The following WWTR1 variants were observed in gnomAD, a reference collection of about 807,000 sequenced individuals.
WWTR1 encodes the protein WW domain containing transcription regulator 1, also known as WW domain-containing transcription regulator protein 1.
WWTR1 carries 13 observed loss-of-function variants against 40.1 expected under a neutral mutation model. The observed-to-expected ratio is 0.32, with a 90% CI of 0.21 to 0.52. WWTR1 has a LOEUF of 0.52. WWTR1 is among the 20% of genes least tolerant of loss of function. WWTR1 has a pLI of 0.97. For missense variants in WWTR1, 436 were observed against 523.1 expected, an observed-to-expected ratio of 0.83 and a Z score of 1.63; for synonymous variants, 230 against 210.1, an observed-to-expected ratio of 1.09 and a Z score of -0.82.
intron 1 of WWTR1, among the ~76,000 whole-genome samples, chr3:149,675,932 C>G (rs1311913409): frequency 6.6e-6 from 1 of 152,056 alleles, no homozygotes; most frequent in Non-Finnish European, 1.5e-5. Context: ...GTCTCGATCT[C>G]CTGACCTCGT....
chr3:149,573,378 A>G (rs1737735555), intron 2 of WWTR1, among the ~76,000 whole-genome samples: 1 of 152,186 alleles, frequency 6.6e-6, no homozygotes, highest in East Asian at 1.9e-4. Flanking sequence ...AAGGGGAGCC[A>G]TGCTCACCTT....
chr3:149,658,171 CCTCGG>C (rs1192528992), upstream of WWTR1: 3 of 154,010 alleles, frequency 1.9e-5, no homozygotes, highest in Non-Finnish European at 4.3e-5. Flanking sequence ...CCTCCTCCCA[CCTCGG>C]CTCCAGAAAA....
chr3:149,655,262 T>A (rs1465689786), intron 2 of WWTR1, among the ~76,000 whole-genome samples: 2 of 151,460 alleles, frequency 1.3e-5, no homozygotes, highest in African/African-American at 4.9e-5. Context: ...CTGGCCAACA[T>A]GGTGAAACCT....
Position 149,668,613 on chromosome 3 carries a change from A to AAAAAAAAAAAAAAC in WWTR1, c.-4+1174_-4+1175insGTTTTTTTTTTTTT, listed in dbSNP as rs548038608. Among the ~76,000 whole-genome samples the AAAAAAAAAAAAAAC allele has an allele frequency of 4.5e-4, 67 of 147,590 alleles. No individual in the cohort carries two copies. The East Asian group carries it at 5.8e-3, about 13-fold the overall frequency. ...ACAGAGCAAGATTGTGTCTCAAAAA[A>AAAAAAAAAAAAAAC]AACAACAAAAAACTGAGTCTTCATT... On this transcript the variant is annotated intron_variant, in intron 2 of 7. Coordinates refer to the WWTR1 transcript ENST00000465804.
intron 3 of WWTR1, among the ~76,000 whole-genome samples, chr3:149,555,933 G>C (rs762478858): frequency 4.6e-5 from 7 of 152,216 alleles, no homozygotes; most frequent in Non-Finnish European, 1.0e-4. Flanking sequence ...AGTTAAGAAA[G>C]GCCTCTGTGA....
intron 2 of WWTR1, among the ~76,000 whole-genome samples, chr3:149,599,424 G>C (rs1485778038): frequency 6.6e-6 from 1 of 152,238 alleles, no homozygotes; most frequent in African/African-American, 2.4e-5. Flanking sequence ...AAATGGCTGG[G>C]AAATATGGTC....
rs1218770368 is a variant in WWTR1 at position 149,566,827 on chromosome 3, AC to A, written c.568+6036del. Among the ~76,000 whole-genome samples, 4 of 149,830 alleles carry A rather than the reference AC, an allele frequency of 2.7e-5. No individual in the cohort carries two copies. The East Asian group carries it at 5.8e-4, about 22-fold the overall frequency. On this transcript the variant is annotated intron_variant, in intron 3 of 6. Transcript: ENST00000360632. ...GCCCTGAAAAGAAAAAAAAAAAAAA[AC>A]ACACATGTGTTTATAATTTGAAGTA...
At chr3:149,713,833 C>T (rs927392244) in intron 5 of WWTR1, among the ~76,000 whole-genome samples, 16 of 152,226 alleles carry the variant, frequency 1.1e-4, no homozygotes. Flanking sequence ...GCACGCATCC[C>T]TGAGGCAGCG....
chr3:149,566,564 A>G (rs186906465), intron 3 of WWTR1, among the ~76,000 whole-genome samples: 97 of 150,428 alleles, frequency 6.4e-4, no homozygotes, highest in Non-Finnish European at 1.1e-3. Context: ...TTTGATTAAG[A>G]AAAAAACTAA....
intron 3 of WWTR1, among the ~76,000 whole-genome samples, chr3:149,557,412 C>T (rs1002124247): frequency 6.6e-6 from 1 of 152,124 alleles, no homozygotes; most frequent in Non-Finnish European, 1.5e-5. Context: ...TCCCCTAGAT[C>T]ACAGAGTCTA....
intron 3 of WWTR1, among the ~76,000 whole-genome samples, chr3:149,565,678 G>A (rs1737285485): frequency 1.3e-5 from 2 of 151,826 alleles, no homozygotes; most frequent in Admixed American, 6.6e-5. Flanking sequence ...TTGGGAGGCT[G>A]AGGTGGGCGG....
At chr3:149,666,919 T>G (rs1713846578) in intron 2 of WWTR1, among the ~76,000 whole-genome samples, 2 of 152,206 alleles carry the variant, frequency 1.3e-5, no homozygotes, top group Admixed American at 6.5e-5. Context: ...AAAGGCATTT[T>G]TCCTCCACTG....
intron 2 of WWTR1, among the ~76,000 whole-genome samples, chr3:149,629,931 C>T (rs189000126): frequency 8.9e-4 from 135 of 152,244 alleles, no homozygotes; most frequent in African/African-American, 3.0e-3. Context: ...ACTGCAACCT[C>T]GACTTCCATG....
At chr3:149,544,470 G>T (rs1736278477) in intron 3 of WWTR1, among the ~76,000 whole-genome samples, 1 of 152,202 alleles carries the variant, frequency 6.6e-6, no homozygotes, top group Admixed American at 6.5e-5. Context: ...TGGAAGAGAG[G>T]TGTGAAGAAA....
chr3:149,666,137 T>A (rs1713807004), intron 2 of WWTR1, among the ~76,000 whole-genome samples: 1 of 152,226 alleles, frequency 6.6e-6, no homozygotes, highest in South Asian at 2.1e-4. Flanking sequence ...TTACACTAGC[T>A]GTTCAAGCCA....
rs986628220 is a variant in WWTR1, at chr3:149,519,307, T to A, written c.*1498A>T. On this transcript the variant is annotated 3_prime_UTR_variant, in exon 7 of 7. Transcript: ENST00000360632. ...CCAACTGTAGCAAACAGGATTAGGA[T>A]AATATACTTAGGAATCAATTTTACT... The A allele has an allele frequency of 2.0e-5, 3 of 152,200 alleles. No individual in the cohort carries two copies. The highest frequency in any genetic ancestry group is 2.0e-4 in the Admixed American group (3 of 15,274). The allele number at this position is 152,200 out of a possible 1,614,324, so 9.4% of individuals were successfully genotyped here. A position where few individuals can be genotyped will look rare whatever the true frequency, so the allele number is the denominator to read the frequency against.
Position 149,657,329 on chromosome 3 carries a change from T to A in WWTR1, c.-3-20A>T. The A allele has an allele frequency of 6.3e-7, 1 of 1,596,570 alleles. No individual in the cohort carries two copies. Among genetic ancestry groups the A allele is most frequent in the Non-Finnish European group, 8.5e-7 (1 of 1,170,920 alleles). ...CATCTTCTGCAAAAAGAAGGTCAGA[T>A]CAGCCTTTTATTTAAAGTCGGAGGA... On this transcript the variant is annotated intron_variant, in intron 1 of 6. Transcript: ENST00000360632.
intron 1 of WWTR1, among the ~76,000 whole-genome samples, chr3:149,699,192 G>A (rs1715088471): frequency 6.6e-6 from 1 of 151,844 alleles, no homozygotes; most frequent in Non-Finnish European, 1.5e-5. Flanking sequence ...TCATTTCTTT[G>A]CTCCTGCATC....
intron 3 of WWTR1, among the ~76,000 whole-genome samples, chr3:149,548,540 C>T (rs1424650149): frequency 6.6e-6 from 1 of 152,176 alleles, no homozygotes; most frequent in Non-Finnish European, 1.5e-5. Flanking sequence ...TAAGGGTAGG[C>T]TCAACTACGA....
Sources: gnomAD v4.1 joint callset for allele counts (sites outside exome capture counted in the v4.1 genomes callset) on GRCh38, gnomAD v4.1.1 for gene constraint, MANE v1.5 for transcripts, NCBI Gene and HGNC (gene_info 2026-07-23, HGNC 2026-07-21) for gene names.